The following AKAP13 variants were observed in gnomAD, a reference collection of about 807,000 sequenced individuals.
AKAP13 encodes the protein A-kinase anchoring protein 13.
Under a neutral mutation model 264.5 loss-of-function variants are expected in AKAP13, and 80 were observed. That is an observed-to-expected ratio of 0.30 (90% CI 0.25 to 0.36). AKAP13 has a LOEUF of 0.36. Among genes scored for constraint, AKAP13 ranks in the 10% least tolerant of loss-of-function variants. The probability of loss-of-function intolerance (pLI) is 1.00; values close to 1 mark genes in which losing one functional copy is unlikely to be tolerated. For missense variants in AKAP13, 3,712 were observed against 3,435.2 expected (o/e 1.08, Z -2.01); for synonymous variants, 1,380 against 1,250.2 (o/e 1.10, Z -2.19).
intron 4 of AKAP13, among the ~76,000 whole-genome samples, chr15:85,539,665 T>G (rs771579943): frequency 2.2e-4 from 33 of 152,254 alleles, no homozygotes; most frequent in Admixed American, 3.3e-4. Context: ...TTTTTGCAGA[T>G]CTGAGGGAAG....
rs758777518 is a variant in AKAP13, at chr15:85,533,865, G to T, written c.463G>T (p.Asp155Tyr). The T allele has an allele frequency of 1.3e-6, 2 of 1,586,510 alleles. No individual in the cohort carries two copies. The highest frequency in any genetic ancestry group is 1.7e-6 in the Non-Finnish European group (2 of 1,166,534). ...CACGGAGTGGAATGTATTGGGGACA[G>T]ATCAGAGTTTGCATGGTGAGAATTT... ...LPTEWNVLGT[D>Y]QSLHDAGPRE... The change falls in exon 4 of 37, where the codon GAT becomes TAT. Residue 155 changes from aspartate to tyrosine, a missense_variant. By Grantham distance (160) the Asp-to-Tyr change is radical. Coordinates refer to ENST00000394518, the MANE Select transcript of AKAP13 (RefSeq NM_007200.5).
At position 85,578,993 on chromosome 15, in the gene AKAP13, A is replaced by G; in HGVS notation, c.925A>G (p.Ser309Gly). The change falls in exon 7 of 37, where the codon AGT (serine) becomes GGT (glycine). Residue 309 changes from serine to glycine, a missense_variant. Coordinates refer to ENST00000394518, the MANE Select transcript of AKAP13 (RefSeq NM_007200.5). ...AATGATGACAGCACAGGATCCTTCC[A>G]GTGCCCCAGAGACAGATGGCCAGTT... ...PLMMTAQDPS[S>G]APETDGQFLP... is the part of the protein sequence containing the mutation. 6.2e-7 allele frequency: 1 copy of G among 1,614,124 alleles called. No individual in the cohort carries two copies. Among genetic ancestry groups the G allele is most frequent in the Non-Finnish European group, 8.5e-7 (1 of 1,180,032 alleles).
At chr15:85,734,846 GAGACCCTTCTCTGAGCAA>G in intron 30 of AKAP13, 128 bp from the exon 31 acceptor site, 2 of 1,067,556 alleles carry the variant, frequency 1.9e-6, no homozygotes, top group Non-Finnish European at 2.7e-6. Flanking sequence ...ACCCTGAGCT[GAGACCCTTCTCTGAGCAA>G]AGGAACTCAC....
rs752179320 is a variant in AKAP13, at chr15:85,579,081, G to C, written c.1013G>C (p.Ser338Thr). The stretch of plus-strand genomic sequence containing the variant: ...CTTTCTTCTTCTGAAGAGACTGAGA[G>C]CACTCAGTGCTGCCCAGGGAGCCCT... ...QRLSSSEETE[S>T]TQCCPGSPVA... Residue 338 changes from serine (S) to threonine (T), a missense_variant, in exon 7 of 37, where the codon AGC becomes ACC. This residue lies in a region of AKAP13 where 2,759 missense variants were observed against 2,411.7 expected (regional missense o/e 1.14). Coordinates refer to ENST00000394518, the MANE Select transcript of AKAP13 (RefSeq NM_007200.5). 1 of 1,614,172 alleles carries C rather than the reference G, an allele frequency of 6.2e-7. No homozygotes were observed. The highest frequency in any genetic ancestry group is 8.5e-7 in the Non-Finnish European group (1 of 1,180,036).
At chr15:85,490,803 A>G (rs1243006162) in intron 2 of AKAP13, among the ~76,000 whole-genome samples, 2 of 152,176 alleles carry the variant, frequency 1.3e-5, no homozygotes, top group Admixed American at 6.5e-5. Context: ...TGGTACTTGC[A>G]TTGTAGTGAG....
chr15:85,444,871 C>A (rs1331922303), intron 1 of AKAP13, among the ~76,000 whole-genome samples: 2 of 152,190 alleles, frequency 1.3e-5, no homozygotes. Context: ...TCTGTTACCA[C>A]AAAAGGAGTT....
At chr15:85,643,342 T>C (rs566129432) in intron 9 of AKAP13, among the ~76,000 whole-genome samples, 2 of 152,174 alleles carry the variant, frequency 1.3e-5, no homozygotes, top group Non-Finnish European at 2.9e-5. Context: ...GCTTAACTAG[T>C]AGAAAAAGTA....
At position 85,746,766 on chromosome 15, in the gene AKAP13, C is replaced by T. The variant is rs981047402; in HGVS notation, c.*2089C>T. The T allele has an allele frequency of 1.3e-5, 2 of 152,256 alleles. No homozygotes were observed. The highest frequency in any genetic ancestry group is 4.8e-5 in the African/African-American group (2 of 41,454). The allele number at this position is 152,256 out of a possible 1,614,324, so 9.4% of individuals were successfully genotyped here. ...GGGGCTTGGCTGTCTGTTCTGGGCA[C>T]TGGCTCCGAGTTCCCCTCCTGGGAT... On this transcript the variant is annotated 3_prime_UTR_variant, in exon 37 of 37. Coordinates refer to ENST00000394518, the MANE Select transcript of AKAP13 (RefSeq NM_007200.5).
chr15:85,608,918 A>G (rs968806433), intron 8 of AKAP13, among the ~76,000 whole-genome samples: 1 of 152,180 alleles, frequency 6.6e-6, no homozygotes, highest in Non-Finnish European at 1.5e-5. Context: ...TTGTTCAAAC[A>G]TCTTCACTGG....
At chr15:85,613,573 C>T (rs538762224) in intron 8 of AKAP13, among the ~76,000 whole-genome samples, 41 of 151,126 alleles carry the variant, frequency 2.7e-4, no homozygotes, top group Admixed American at 5.3e-4. Flanking sequence ...CCCAGCTACT[C>T]AGGAGGCTGA....
chr15:85,592,046 CTT>C (rs386383662), intron 8 of AKAP13, among the ~76,000 whole-genome samples: 10,821 of 105,214 alleles, frequency 0.1, 313 homozygotes, highest in Middle Eastern at 0.14. Context: ...GAACCATGAT[CTT>C]TTTTTTTTTT....
intron 10 of AKAP13, among the ~76,000 whole-genome samples, chr15:85,649,139 A>G (rs2082689788): frequency 6.6e-6 from 1 of 152,202 alleles, no homozygotes; most frequent in Non-Finnish European, 1.5e-5. Context: ...AAATTTTTAA[A>G]ATATTTGATC....
chr15:85,675,435 C>G (rs1457931512), intron 14 of AKAP13, among the ~76,000 whole-genome samples: 1 of 152,116 alleles, frequency 6.6e-6, no homozygotes, highest in Non-Finnish European at 1.5e-5. Flanking sequence ...AGGGCTTTTT[C>G]TCTCATTTCA....
intron 10 of AKAP13, among the ~76,000 whole-genome samples, chr15:85,653,456 A>G (rs759350231): frequency 5.9e-5 from 9 of 152,218 alleles, no homozygotes; most frequent in Non-Finnish European, 1.3e-4. Flanking sequence ...AAAACAATCT[A>G]GGAAACTGGA....
At chr15:85,635,607 A>G (rs2082037238) in intron 8 of AKAP13, among the ~76,000 whole-genome samples, 2 of 152,096 alleles carry the variant, frequency 1.3e-5, no homozygotes. Flanking sequence ...TAAAAAATGT[A>G]CTATTTAAGA....
intron 1 of AKAP13, among the ~76,000 whole-genome samples, chr15:85,453,901 A>G (rs985278006): frequency 2.0e-5 from 3 of 151,750 alleles, no homozygotes; most frequent in Admixed American, 6.6e-5. Flanking sequence ...CAGCCTGGCC[A>G]CGTTTGGGTA....
At chr15:85,398,139 C>G (rs1002752728) in intron 1 of AKAP13, among the ~76,000 whole-genome samples, 4 of 152,010 alleles carry the variant, frequency 2.6e-5, no homozygotes, top group Middle Eastern at 3.2e-3. Context: ...AGAGTTGAAA[C>G]GAGTAATGAT....
chr15:85,684,583 C>A, intron 15 of AKAP13, 158 bp from the exon 16 acceptor site: 3 of 688,514 alleles, frequency 4.4e-6, no homozygotes, highest in Non-Finnish European at 4.7e-6. Flanking sequence ...AGTGACGGAT[C>A]TAAGGAAACT....
intron 14 of AKAP13, among the ~76,000 whole-genome samples, chr15:85,681,920 T>C (rs917505973): frequency 2.6e-5 from 4 of 152,208 alleles, no homozygotes; most frequent in Non-Finnish European, 5.9e-5. Context: ...TTTAGTTACT[T>C]GAATCCTGGA....
Sources: allele counts gnomAD v4.1 joint callset (sites outside exome capture counted in the v4.1 genomes callset), GRCh38; gene constraint gnomAD v4.1.1; regional missense constraint gnomAD v4.1.1; transcripts MANE v1.5; gene names NCBI Gene and HGNC (gene_info 2026-07-23, HGNC 2026-07-21).